The following OSBPL11 variants were observed in gnomAD, a reference collection of about 807,000 sequenced individuals.
OSBPL11 encodes the protein oxysterol binding protein like 11, also known as oxysterol-binding protein-related protein 11.
Under a neutral mutation model 84.4 loss-of-function variants are expected in OSBPL11, and 33 were observed. The ratio of observed to expected loss-of-function variants is 0.39; its 90% CI spans 0.30 to 0.52. The LOEUF is 0.52. Among genes scored for constraint, OSBPL11 ranks in the 20% least tolerant of loss-of-function variants. The probability of loss-of-function intolerance (pLI) is 0.72; values close to 1 mark genes in which losing one functional copy is unlikely to be tolerated. For missense variants in OSBPL11, 736 were observed against 901.1 expected (o/e 0.82, Z 2.35); for synonymous variants, 276 against 310.2 (o/e 0.89, Z 1.16).
chr3:125,563,796 A>T lies in OSBPL11; in HGVS notation c.916T>A (p.Tyr306Asn). The stretch of plus-strand genomic sequence containing the variant: ...AAGGGCTGGTCAGCTCCATTTTTAT[A>T]GTGGTTTGATAAAGATATCTTTGGT... ...LEPKISLSNHYKNGADQPFAT... is the reference protein window; with the variant it reads ...LEPKISLSNHNKNGADQPFAT... Residue 306 changes from tyrosine (Y) to asparagine (N), a missense_variant, in exon 7 of 13, where the codon TAT becomes AAT. Around this residue, in one of 3 missense-constraint regions of OSBPL11, gnomAD observed 579 missense variants for 717.6 expected, o/e 0.81. Coordinates refer to ENST00000296220, the MANE Select transcript of OSBPL11 (RefSeq NM_022776.5). The T allele has an allele frequency of 3.1e-6, 5 of 1,614,174 alleles. No homozygotes were observed. Among genetic ancestry groups the T allele is most frequent in the Non-Finnish European group, 4.2e-6 (5 of 1,180,022 alleles).
intron 1 of OSBPL11, among the ~76,000 whole-genome samples, chr3:125,590,954 C>T (rs1282188413): frequency 6.6e-6 from 1 of 152,058 alleles, no homozygotes; most frequent in African/African-American, 2.4e-5. Context: ...TACTATATTG[C>T]CTAAGTCTAT....
intron 5 of OSBPL11, among the ~76,000 whole-genome samples, chr3:125,573,587 G>C (rs1936273864): frequency 6.6e-6 from 1 of 152,170 alleles, no homozygotes; most frequent in African/African-American, 2.4e-5. Flanking sequence ...TTTAGGCCAG[G>C]TGCGGTGGCT....
rs1334005475 is a variant in OSBPL11 at position 125,529,072 on chromosome 3, C to T, written c.*1443G>A. 1.3e-5 allele frequency: 2 copies of T among 152,592 alleles called. No homozygotes were observed. Among genetic ancestry groups the T allele is most frequent in the Admixed American group, 6.5e-5 (1 of 15,274 alleles). The allele number at this position is 152,592 out of a possible 1,614,324, so 9.5% of individuals were successfully genotyped here. On this transcript the variant is annotated 3_prime_UTR_variant, in exon 13 of 13. Coordinates refer to ENST00000296220, the MANE Select transcript of OSBPL11 (RefSeq NM_022776.5). ...TCCTACTAACCTCTTTAACAGAACA[C>T]AATTTATCAGAGCACAAAGCTTAAA...
intron 8 of OSBPL11, among the ~76,000 whole-genome samples, chr3:125,552,980 T>C (rs1354142882): frequency 6.6e-6 from 1 of 152,126 alleles, no homozygotes; most frequent in Non-Finnish European, 1.5e-5. Flanking sequence ...TAGCTGGGCA[T>C]GGTGCCTTGT....
At chr3:125,588,039 T>C (rs572710024) in intron 1 of OSBPL11, among the ~76,000 whole-genome samples, 3 of 152,102 alleles carry the variant, frequency 2.0e-5, no homozygotes, top group Non-Finnish European at 2.9e-5. Flanking sequence ...CTAGCCAACA[T>C]GGTAAAACCC....
chr3:125,567,630 G>T, intron 5 of OSBPL11, 35 bp from the exon 6 acceptor site: 3 of 1,549,806 alleles, frequency 1.9e-6, no homozygotes, highest in African/African-American at 1.4e-5. Flanking sequence ...TCCTACTCAT[G>T]ATTTCTGTAA....
At chr3:125,566,416 C>A (rs1268631704) in intron 6 of OSBPL11, among the ~76,000 whole-genome samples, 1 of 152,164 alleles carries the variant, frequency 6.6e-6, no homozygotes, top group Admixed American at 6.5e-5. Flanking sequence ...GTGCCCTAAC[C>A]TGCAACTACA....
At chr3:125,588,082 C>G (rs961466148) in intron 1 of OSBPL11, among the ~76,000 whole-genome samples, 2 of 151,976 alleles carry the variant, frequency 1.3e-5, no homozygotes, top group Non-Finnish European at 2.9e-5. Context: ...ATTAGCTGGG[C>G]GTGGTGGTGC....
At chr3:125,576,513 TA>T (rs55925085) in intron 4 of OSBPL11, 148 bp from the exon 5 acceptor site, 42,101 of 545,224 alleles carry the variant, frequency 0.077, 2,017 homozygotes, top group Non-Finnish European at 0.091. Context: ...TTTCCAAAGA[TA>T]AAAATCTGAG....
chr3:125,587,929 ACT>A (rs1336842249), intron 1 of OSBPL11, among the ~76,000 whole-genome samples: 2 of 151,952 alleles, frequency 1.3e-5, no homozygotes, highest in East Asian at 1.9e-4. Context: ...ACAGAGCAAG[ACT>A]CTGTCTCAGG....
At chr3:125,534,865 T>G (rs997364548) in intron 11 of OSBPL11, among the ~76,000 whole-genome samples, 5 of 149,534 alleles carry the variant, frequency 3.3e-5, no homozygotes, top group Non-Finnish European at 5.9e-5. Flanking sequence ...GAGAGGCTAT[T>G]TGGTCCACTA....
intron 10 of OSBPL11, among the ~76,000 whole-genome samples, chr3:125,539,320 T>C (rs1397114893): frequency 1.7e-5 from 2 of 118,816 alleles, no homozygotes; most frequent in African/African-American, 4.0e-5. Flanking sequence ...TATATATATA[T>C]ATATATATAT....
At chr3:125,571,860 TCAGAGCCCCCACA>T (rs1936247439) in intron 5 of OSBPL11, among the ~76,000 whole-genome samples, 1 of 152,112 alleles carries the variant, frequency 6.6e-6, no homozygotes, top group South Asian at 2.1e-4. Context: ...AAATGTGAGG[TCAGAGCCCCCACA>T]CAGAGTCCCT....
In OSBPL11 at chr3:125,580,448, C is replaced by T. The variant is rs577531843; in HGVS notation, c.234-408G>A. On this transcript the variant is annotated intron_variant, in intron 2 of 12. Transcript: ENST00000296220. The stretch of plus-strand genomic sequence containing the variant: ...AAAATCGCTTGAATCTGGGAGGCAG[C>T]GGTTGCACTGCACTAAGATCGAGCC... Among the ~76,000 whole-genome samples, 59 of 134,012 alleles carry T rather than the reference C, an allele frequency of 4.4e-4. No individual in the cohort carries two copies. The Middle Eastern group carries it at 0.021, about 48-fold the overall frequency. 87.9% of individuals were successfully genotyped at this position (134,012 alleles called of 152,430 possible). A position where few individuals can be genotyped will look rare whatever the true frequency, so the allele number is the denominator to read the frequency against.
At chr3:125,580,830 A>C (rs1936412640) in intron 2 of OSBPL11, among the ~76,000 whole-genome samples, 1 of 152,200 alleles carries the variant, frequency 6.6e-6, no homozygotes. Flanking sequence ...AATATACAAC[A>C]AGAATAACAG....
At chr3:125,590,016 G>C (rs1936573026) in intron 1 of OSBPL11, among the ~76,000 whole-genome samples, 1 of 152,090 alleles carries the variant, frequency 6.6e-6, no homozygotes, top group Admixed American at 6.6e-5. Flanking sequence ...TTAATAAGCA[G>C]GTGGCATATT....
intron 1 of OSBPL11, among the ~76,000 whole-genome samples, chr3:125,583,585 A>C (rs1228817863): frequency 2.1e-4 from 25 of 117,022 alleles, no homozygotes; most frequent in African/African-American, 8.2e-4. Context: ...CGTCTCCAAA[A>C]AAAAAAAAAA....
chr3:125,581,978 A>ATAAT (rs1000615967), intron 2 of OSBPL11, among the ~76,000 whole-genome samples: 9 of 152,016 alleles, frequency 5.9e-5, no homozygotes, highest in Middle Eastern at 3.4e-3. Flanking sequence ...TGTCTCAAAA[A>ATAAT]TAATTAATTA....
chr3:125,535,568 C>G (rs1051230822), intron 11 of OSBPL11, among the ~76,000 whole-genome samples: 1 of 151,186 alleles, frequency 6.6e-6, no homozygotes, highest in Admixed American at 6.6e-5. Flanking sequence ...CTCAGCCTCC[C>G]GAGTAGCTGA....
Sources: gnomAD v4.1 joint callset for allele counts (sites outside exome capture counted in the v4.1 genomes callset) on GRCh38, gnomAD v4.1.1 for gene constraint, gnomAD v4.1.1 regional missense constraint, MANE v1.5 for transcripts, NCBI Gene and HGNC (gene_info 2026-07-23, HGNC 2026-07-21) for gene names.